Variants in FAM149B1 observed in about 807,000 individuals in gnomAD.
FAM149B1 encodes the protein family with sequence similarity 149 member B1.
FAM149B1 carries 56 observed loss-of-function variants against 75.3 expected under a neutral mutation model. The observed-to-expected ratio is 0.74, with a 90% CI of 0.60 to 0.93. The LOEUF (loss-of-function observed/expected upper bound fraction) is 0.93. Ranked by LOEUF, FAM149B1 falls within the 40% of genes least tolerant of loss-of-function variation. FAM149B1 has a pLI of 0.00. For missense variants in FAM149B1, 639 were observed against 708.4 expected (o/e 0.90, Z 1.11); for synonymous variants, 259 against 256.1 (o/e 1.01, Z -0.11).
chr10:73,244,241 A>C lies in FAM149B1; in HGVS notation c.*3222A>C. ...CCGGGTATGGTGGCTCACAACTGTA[A>C]TCCCCATACCTTGGGAGGCCAAGGT... On this transcript the variant is annotated 3_prime_UTR_variant, in exon 14 of 14. Coordinates refer to ENST00000242505, the MANE Select transcript of FAM149B1 (RefSeq NM_173348.2). 3.4e-6 allele frequency: 1 copy of C among 296,364 alleles called. No homozygotes were observed. The highest frequency in any genetic ancestry group is 4.0e-5 in the South Asian group (1 of 24,852). 18.4% of individuals were successfully genotyped at this position (296,364 alleles called of 1,614,324 possible).
chr10:73,175,669 C>CAAAAA (rs779685127), intron 2 of FAM149B1, among the ~76,000 whole-genome samples: 4 of 64,792 alleles, frequency 6.2e-5, no homozygotes, highest in Non-Finnish European at 1.1e-4. Context: ...GACTCCTTCT[C>CAAAAA]AAAAAAAAAA....
At chr10:73,237,440 G>A (rs1377357812) in intron 12 of FAM149B1, among the ~76,000 whole-genome samples, 3 of 150,390 alleles carry the variant, frequency 2.0e-5, no homozygotes, top group South Asian at 4.2e-4. Flanking sequence ...TTTTTGAGAC[G>A]GAGTCTTACT....
chr10:73,199,060 A>G (rs1290397649), intron 5 of FAM149B1, among the ~76,000 whole-genome samples: 1 of 152,138 alleles, frequency 6.6e-6, no homozygotes. Flanking sequence ...TAAATAAGAA[A>G]CCTAGCAAAG....
intron 9 of FAM149B1, chr10:73,231,073 A>G (rs2043685680): frequency 6.5e-6 from 1 of 152,916 alleles, no homozygotes; most frequent in African/African-American, 2.4e-5. Context: ...TTAGCGGGAA[A>G]GAAGTGACTA....
chr10:73,233,638 C>T (rs1433141046), intron 10 of FAM149B1, among the ~76,000 whole-genome samples: 1 of 152,112 alleles, frequency 6.6e-6, no homozygotes, highest in African/African-American at 2.4e-5. Context: ...ACCACCGCAC[C>T]CAGCAGGGGT....
rs1269784286 is a variant in FAM149B1 at position 73,234,842 on chromosome 10, T to C, written c.1378T>C (p.Ser460Pro). 1.9e-6 allele frequency: 3 copies of C among 1,551,640 alleles called. No individual in the cohort carries two copies. Among genetic ancestry groups the C allele is most frequent in the East Asian group, 4.9e-5 (2 of 40,918 alleles). ...CCCAGTGGCACCCGACTCGCTCTCCTCTCCCTCACCGACGCCCCTGAGTCG... is the reference window on the plus strand; with the variant it reads ...CCCAGTGGCACCCGACTCGCTCTCCCCTCCCTCACCGACGCCCCTGAGTCG... ...RVPVAPDSLSSPSPTPLSRNN... is the reference protein window; with the variant it reads ...RVPVAPDSLSPPSPTPLSRNN... The change falls in exon 11 of 14, where the codon TCT becomes CCT. Residue 460 changes from serine (S) to proline (P), a missense_variant. Coordinates refer to ENST00000242505, the MANE Select transcript of FAM149B1 (RefSeq NM_173348.2).
In FAM149B1 at chr10:73,204,944, A is replaced by ATTTTTTT. The variant is rs71021549; in HGVS notation, c.543-3629_543-3623dup. 1.6e-4 allele frequency among the ~76,000 whole-genome samples: 6 copies of ATTTTTTT among 36,606 alleles called. 2 individuals carry two copies. Among genetic ancestry groups the ATTTTTTT allele is most frequent in the Non-Finnish European group, 2.1e-4 (4 of 19,162 alleles). The allele number at this position is 36,606 out of a possible 152,430, so 24.0% of individuals were successfully genotyped here. On this transcript the variant is annotated intron_variant, in intron 5 of 13. Coordinates refer to ENST00000242505, the MANE Select transcript of FAM149B1 (RefSeq NM_173348.2). ...AGGCACCCGCCACCATGCCTGGCTAATTTTTTTTTTTTTTTTTTTTTTTTT... is the reference window on the plus strand; with the variant it reads ...AGGCACCCGCCACCATGCCTGGCTAATTTTTTTTTTTTTTTTTTTTTTTTTTTTTTTT...
intron 3 of FAM149B1, among the ~76,000 whole-genome samples, chr10:73,181,941 G>A (rs4341455): frequency 0.16 from 23,819 of 151,888 alleles, 3,076 homozygotes; most frequent in African/African-American, 0.33. Context: ...GTTCATATAT[G>A]TTTAAATTTG....
chr10:73,218,269 C>T (rs1253205777), intron 7 of FAM149B1, among the ~76,000 whole-genome samples: 1 of 152,198 alleles, frequency 6.6e-6, no homozygotes, highest in Non-Finnish European at 1.5e-5. Flanking sequence ...TTGCTCCATT[C>T]TCTGGGTGCC....
intron 5 of FAM149B1, among the ~76,000 whole-genome samples, chr10:73,203,643 A>ATTTT (rs200573557): frequency 0.021 from 3,082 of 145,962 alleles, 85 homozygotes; most frequent in African/African-American, 0.063. Context: ...TGTGATCATA[A>ATTTT]TTTTTTTTTT....
Position 73,173,987 on chromosome 10 carries a change from C to T in FAM149B1, c.48-700C>T, listed in dbSNP as rs577244547. Among the ~76,000 whole-genome samples the T allele has an allele frequency of 8.5e-5, 13 of 152,252 alleles. No homozygotes were observed. The South Asian group carries it at 2.7e-3, about 32-fold the overall frequency. On this transcript the variant is annotated intron_variant, in intron 1 of 13. Coordinates refer to ENST00000242505, the MANE Select transcript of FAM149B1 (RefSeq NM_173348.2). The stretch of plus-strand genomic sequence containing the variant: ...AAGCATGGTGCTTTTGAGATCCATC[C>T]AAGTTGTTGCATGTATCAATAGTTT...
chr10:73,181,060 G>A (rs1376502676), intron 3 of FAM149B1, among the ~76,000 whole-genome samples: 2 of 149,884 alleles, frequency 1.3e-5, no homozygotes, highest in Admixed American at 1.3e-4. Flanking sequence ...AGGCTAGAGT[G>A]CAGTGGCACG....
chr10:73,170,824 A>G (rs1482335190), intron 1 of FAM149B1, among the ~76,000 whole-genome samples: 4 of 152,208 alleles, frequency 2.6e-5, no homozygotes, highest in Non-Finnish European at 2.9e-5. Context: ...TCTTTTCCCA[A>G]TAAAGTGACT....
At chr10:73,230,864 T>A (rs2043677684) in intron 9 of FAM149B1, 2 of 176,814 alleles carry the variant, frequency 1.1e-5, no homozygotes, top group Non-Finnish European at 2.4e-5. Flanking sequence ...GGGCTTTGGA[T>A]AAGCAAAGGA....
In FAM149B1 at chr10:73,228,063, A is replaced by G. The variant is rs761004075; in HGVS notation, c.902A>G (p.Asp301Gly). The change falls in exon 8 of 14, where the codon GAT (aspartate) becomes GGT (glycine). Residue 301 changes from aspartate (D) to glycine (G), a missense_variant. Transcript: ENST00000242505. ...TATATCCTGTTCCTTTGCCCAGATG[A>G]TGAGAGTAATGTTGCAGTTACCAGA... Reference protein sequence around the residue: ...RSHWEGFASDDESNVAVTRPD... With the variant: ...RSHWEGFASDGESNVAVTRPD... 1.5e-5 allele frequency: 23 copies of G among 1,551,542 alleles called. No individual in the cohort carries two copies. The highest frequency in any genetic ancestry group is 2.0e-5 in the Non-Finnish European group (23 of 1,146,876).
chr10:73,182,919 T>TGCTGCTTAAGGTCATAAAA (rs1318779392), intron 3 of FAM149B1, among the ~76,000 whole-genome samples: 3 of 152,244 alleles, frequency 2.0e-5, no homozygotes, highest in Non-Finnish European at 2.9e-5. Context: ...ACTCCTCTCT[T>TGCTGCTTAAGGTCATAAAA]GCTGCTTAAG....
At position 73,243,288 on chromosome 10, in the gene FAM149B1, G is replaced by C. The variant is rs12246107; in HGVS notation, c.*2269G>C. 7,391 of 1,247,436 alleles carry C rather than the reference G, an allele frequency of 5.9e-3. 204 individuals carry two copies. In the African/African-American group the frequency reaches 0.073, roughly 12 times the overall value. The allele number at this position is 1,247,436 out of a possible 1,614,324, so 77.3% of individuals were successfully genotyped here. ...TAGTCAATCTGAAAAATTCAGGCTG[G>C]AAAGACACCTTTTCTCAAGAGCTGA... On this transcript the variant is annotated 3_prime_UTR_variant, in exon 14 of 14. Transcript: ENST00000242505.
At position 73,244,226 on chromosome 10, in the gene FAM149B1, T is replaced by C. The variant is rs745851828; in HGVS notation, c.*3207T>C. On this transcript the variant is annotated 3_prime_UTR_variant, in exon 14 of 14. Transcript: ENST00000242505. ...AAAAGGAACATGAGGCCGGGTATGG[T>C]GGCTCACAACTGTAATCCCCATACC... is the stretch of plus-strand genomic sequence containing the variant. The C allele has an allele frequency of 2.1e-5, 7 of 341,124 alleles. No individual in the cohort carries two copies. Among genetic ancestry groups the C allele is most frequent in the Admixed American group, 9.4e-5 (2 of 21,268 alleles). 21.1% of individuals were successfully genotyped at this position (341,124 alleles called of 1,614,324 possible).
At chr10:73,231,323 G>A (rs536390571) in intron 9 of FAM149B1, 9 of 151,924 alleles carry the variant, frequency 5.9e-5, no homozygotes, top group Non-Finnish European at 8.8e-5. Context: ...GTGGTTTTAC[G>A]GTCTCATTTC....
Sources: gnomAD v4.1 joint callset for allele counts (sites outside exome capture counted in the v4.1 genomes callset) on GRCh38, gnomAD v4.1.1 for gene constraint, MANE v1.5 for transcripts, NCBI Gene and HGNC (gene_info 2026-07-23, HGNC 2026-07-21) for gene names.